ZXDC: variants seen among roughly 807,000 people sequenced by gnomAD.
The protein encoded by ZXDC is ZXD family zinc finger C.
In ZXDC, 58 loss-of-function variants were observed where a neutral mutation model predicts 63.6. The observed-to-expected ratio is 0.91, with a 90% CI of 0.74 to 1.13. ZXDC has a LOEUF of 1.13. ZXDC is among the 50% of genes most tolerant of loss of function. The pLI, the probability that ZXDC is intolerant of heterozygous loss-of-function variation, is 0.00. For synonymous variants in ZXDC, 561 were observed against 496.1 expected (o/e 1.13, Z -1.74); for missense variants, 1,133 against 1,148.9 (o/e 0.99, Z 0.20).
intron 7 of ZXDC, chr3:126,459,357 G>A: frequency 2.0e-6 from 2 of 985,380 alleles, no homozygotes; most frequent in South Asian, 9.4e-5. Flanking sequence ...CCTGACAACT[G>A]GCCTGCTTTG....
At chr3:126,471,066 A>G (rs1934961565) in intron 3 of ZXDC, 41 bp from the exon 4 acceptor site, 4 of 1,602,396 alleles carry the variant, frequency 2.5e-6, no homozygotes, top group Non-Finnish European at 3.4e-6. Flanking sequence ...TTCCTCACAC[A>G]ACTCACCATA....
At chr3:126,452,905 A>AT in intron 7 of ZXDC, 1 of 523,242 alleles carries the variant, frequency 1.9e-6, no homozygotes. Flanking sequence ...CGCGTGGCTA[A>AT]TTATTATTTT....
At chr3:126,469,858 A>C (rs1475194388) in intron 4 of ZXDC, among the ~76,000 whole-genome samples, 1 of 152,246 alleles carries the variant, frequency 6.6e-6, no homozygotes, top group Non-Finnish European at 1.5e-5. Context: ...TTTCTCAGTT[A>C]CACCACTTGT....
chr3:126,474,799 AT>A (rs1241545146), intron 1 of ZXDC, among the ~76,000 whole-genome samples, 159 bp downstream of exon 1: 1 of 152,220 alleles, frequency 6.6e-6, no homozygotes, highest in Non-Finnish European at 1.5e-5. Context: ...CAGGGCCAAG[AT>A]CTCAAATCGA....
At position 126,475,370 on chromosome 3, in the gene ZXDC, G is replaced by T. The variant is rs1935157378; in HGVS notation, c.496C>A (p.Gln166Lys). 1 of 1,266,854 alleles carries T rather than the reference G, an allele frequency of 7.9e-7. No homozygotes were observed. Among genetic ancestry groups the T allele is most frequent in the Middle Eastern group, 3.0e-4 (1 of 3,328 alleles). The allele number at this position is 1,266,854 out of a possible 1,614,324, so 78.5% of individuals were successfully genotyped here. The change falls in exon 1 of 10, where the codon CAG (glutamine) becomes AAG (lysine). Residue 166 changes from glutamine to lysine, a missense_variant. By Grantham distance (53) the Gln-to-Lys change is moderately conservative. Coordinates refer to ENST00000389709, the MANE Select transcript of ZXDC (RefSeq NM_025112.5). ...CCGGGCGTGCTGGGGCCGGAGGCCTGGGGCGCGCGGCGGGGAGCGGCGGCG... is the reference window on the plus strand; with the variant it reads ...CCGGGCGTGCTGGGGCCGGAGGCCTTGGGCGCGCGGCGGGGAGCGGCGGCG... ...AGAAAPRRAP[Q>K]ASGPSTPGYR...
intron 1 of ZXDC, among the ~76,000 whole-genome samples, chr3:126,473,662 C>A (rs537291238): frequency 1.3e-5 from 2 of 152,130 alleles, no homozygotes; most frequent in African/African-American, 4.8e-5. Flanking sequence ...AAGAGGAATG[C>A]GCAAGACAGT....
Position 126,440,963 on chromosome 3 carries a change from G to A in ZXDC, c.2394+802C>T. The A allele has an allele frequency of 4.1e-6, 4 of 985,668 alleles. No homozygotes were observed. In the South Asian group the frequency reaches 1.4e-4, roughly 35 times the overall value. 61.1% of individuals were successfully genotyped at this position (985,668 alleles called of 1,614,324 possible). A position where few individuals can be genotyped will look rare whatever the true frequency, so the allele number is the denominator to read the frequency against. On this transcript the variant is annotated intron_variant, in intron 8 of 9. Coordinates refer to ENST00000389709, the MANE Select transcript of ZXDC (RefSeq NM_025112.5). The stretch of plus-strand genomic sequence containing the variant: ...CACCTCCACCCTCCGCACTTCCGTG[G>A]GGCCTGCAACCGCATCCCCTGCCAC...
intron 1 of ZXDC, among the ~76,000 whole-genome samples, chr3:126,472,654 A>C (rs1048939026): frequency 1.3e-5 from 2 of 152,190 alleles, no homozygotes; most frequent in African/African-American, 4.8e-5. Context: ...GAGAAATCAA[A>C]TACTAAGGAA....
chr3:126,448,951 G>A (rs541181782), intron 7 of ZXDC, among the ~76,000 whole-genome samples: 103 of 152,354 alleles, frequency 6.8e-4, no homozygotes, highest in African/African-American at 2.3e-3. Flanking sequence ...AGGAGGTGCA[G>A]GAACTGCCTG....
chr3:126,450,367 C>G (rs1934051608), intron 7 of ZXDC: 1 of 456,588 alleles, frequency 2.2e-6, no homozygotes, highest in Non-Finnish European at 4.4e-6. Flanking sequence ...ATCTGCTTTC[C>G]TCCCCGGCTT....
chr3:126,447,925 C>A (rs1329089500), intron 7 of ZXDC, among the ~76,000 whole-genome samples: 1 of 152,236 alleles, frequency 6.6e-6, no homozygotes, highest in East Asian at 1.9e-4. Flanking sequence ...TTCCTGCATA[C>A]CACGTGGCCA....
rs190176785 is a variant in ZXDC, at chr3:126,439,682, C to T, written c.2440G>A (p.Ala814Thr). ...EGVLPSARGP[A>T]TFLPFLTVDL... Reference sequence around the variant, plus strand: ...ACAGTGAGGAAGGGGAGGAAGGTGGCTGGGCCGCGGGCCGAGGGCAGGACA... The same window carrying T: ...ACAGTGAGGAAGGGGAGGAAGGTGGTTGGGCCGCGGGCCGAGGGCAGGACA... Residue 814 changes from alanine (A) to threonine (T), a missense_variant, in exon 9 of 10, where the codon GCC becomes ACC. Transcript: ENST00000389709. 365 of 1,553,322 alleles carry T rather than the reference C, an allele frequency of 2.3e-4. 1 individual carries two copies. The highest frequency in any genetic ancestry group is 1.2e-4 in the Non-Finnish European group (137 of 1,147,714).
intron 7 of ZXDC, chr3:126,457,471 G>A: frequency 1.0e-6 from 1 of 985,460 alleles, no homozygotes; most frequent in Non-Finnish European, 1.2e-6. Context: ...GGGTGGCACT[G>A]ACAGCAGCCT....
chr3:126,456,366 C>A (rs978165700), intron 7 of ZXDC, among the ~76,000 whole-genome samples: 1 of 152,212 alleles, frequency 6.6e-6, no homozygotes, highest in Non-Finnish European at 1.5e-5. Context: ...GTGGAGGCCT[C>A]GGGCACACAG....
At chr3:126,471,602 A>G (rs1159197067) in intron 3 of ZXDC, among the ~76,000 whole-genome samples, 4 of 152,184 alleles carry the variant, frequency 2.6e-5, no homozygotes, top group African/African-American at 4.8e-5. Context: ...ACACACATGT[A>G]AAGTGCTGAG....
chr3:126,453,092 T>C (rs1279525015), intron 7 of ZXDC: 11 of 985,288 alleles, frequency 1.1e-5, no homozygotes, highest in East Asian at 1.1e-4. Context: ...GAGCAGCATT[T>C]ACTGCACAAA....
In ZXDC at chr3:126,459,678, C is replaced by CA. The variant is rs773520085; in HGVS notation, c.2186_2187insT (p.Lys729AsnfsTer72). 6.2e-6 allele frequency: 10 copies of CA among 1,614,090 alleles called. No individual in the cohort carries two copies. Among genetic ancestry groups the CA allele is most frequent in the Non-Finnish European group, 8.5e-6 (10 of 1,180,036 alleles). On this transcript the variant is annotated frameshift_variant, in exon 7 of 10. Transcript: ENST00000389709. LOFTEE classifies it high-confidence loss of function. ...CTGCATTGCTCCCCGCTCCTCTCTG[C>CA]TTTTTTTCCTTGGCTAGTTGAATGG...
intron 4 of ZXDC, 125 bp downstream of exon 4, chr3:126,470,770 T>C: frequency 1.5e-6 from 2 of 1,357,622 alleles, no homozygotes; most frequent in Non-Finnish European, 2.0e-6. Flanking sequence ...GTAAACATAA[T>C]GCTGCAACTT....
chr3:126,439,689 G>T lies in ZXDC; in HGVS notation c.2433C>A (p.Arg811=), dbSNP rs1049923991. The stretch of plus-strand genomic sequence containing the variant: ...GGAAGGGGAGGAAGGTGGCTGGGCC[G>T]CGGGCCGAGGGCAGGACACCTTCGC... ...PSGEGVLPSA[R]GPATFLPFLT... is the part of the protein sequence containing the mutation. Residue 811 remains arginine, a synonymous_variant, in exon 9 of 10, where the codon CGC becomes CGA. Transcript: ENST00000389709. 6.4e-7 allele frequency: 1 copy of T among 1,552,814 alleles called. No individual in the cohort carries two copies. The highest frequency in any genetic ancestry group is 2.4e-5 in the East Asian group (1 of 41,162).
Sources: gnomAD v4.1 joint callset for allele counts (sites outside exome capture counted in the v4.1 genomes callset) on GRCh38, gnomAD v4.1.1 for gene constraint, MANE v1.5 for transcripts, NCBI Gene and HGNC (gene_info 2026-07-23, HGNC 2026-07-21) for gene names.